Variants in AREL1 observed in about 807,000 individuals in gnomAD.
AREL1 encodes the protein apoptosis-resistant E3 ubiquitin protein ligase 1.
A neutral mutation model predicts 99.0 loss-of-function variants in AREL1; 62 were observed. The ratio of observed to expected loss-of-function variants is 0.63; its 90% CI spans 0.51 to 0.77. AREL1 has a LOEUF of 0.77. AREL1 is among the 30% of genes least tolerant of loss of function. The pLI is 0.00. For synonymous variants in AREL1, 380 were observed against 376.5 expected (o/e 1.01, Z -0.11); for missense variants, 879 against 1,027.6 (o/e 0.86, Z 1.98).
At chr14:74,684,748 G>A (rs1038646457) in intron 3 of AREL1, 68 bp from the exon 4 acceptor site, 129 of 1,428,948 alleles carry the variant, frequency 9.0e-5, no homozygotes, top group Admixed American at 4.4e-4. Flanking sequence ...TATGCAACAG[G>A]CCAGCCATTT....
At chr14:74,678,274 AT>A in intron 5 of AREL1, 1 of 450,534 alleles carries the variant, frequency 2.2e-6, no homozygotes, top group South Asian at 1.6e-5. Context: ...AAGCAGGAAG[AT>A]TACTTGAGTC....
chr14:74,682,492 G>T (rs953591439), intron 5 of AREL1, among the ~76,000 whole-genome samples: 4 of 152,146 alleles, frequency 2.6e-5, no homozygotes, highest in Non-Finnish European at 5.9e-5. Context: ...ACTGATGAAA[G>T]GATAAATAAA....
At chr14:74,674,330 T>C (rs190011424) in intron 8 of AREL1, among the ~76,000 whole-genome samples, 23 of 152,350 alleles carry the variant, frequency 1.5e-4, no homozygotes, top group African/African-American at 5.1e-4. Context: ...CAAGTGTGGA[T>C]GGCTCACATC....
Position 74,662,599 on chromosome 14 carries a change from A to G in AREL1, c.*1121T>C. 2.5e-6 allele frequency: 1 copy of G among 398,468 alleles called. No individual in the cohort carries two copies. The highest frequency in any genetic ancestry group is 4.4e-6 in the Non-Finnish European group (1 of 226,050). 24.7% of individuals were successfully genotyped at this position (398,468 alleles called of 1,614,324 possible). A position where few individuals can be genotyped will look rare whatever the true frequency, so the allele number is the denominator to read the frequency against. ...TCCTTCCTGATAACTGATGGAGCAA[A>G]GGGGAGTACAGGGGTTGGCAGGTGT... is the stretch of plus-strand genomic sequence containing the variant. On this transcript the variant is annotated 3_prime_UTR_variant, in exon 20 of 20. Transcript: ENST00000356357.
At chr14:74,711,483 C>T (rs1224756754) in intron 1 of AREL1, among the ~76,000 whole-genome samples, 1 of 151,980 alleles carries the variant, frequency 6.6e-6, no homozygotes, top group East Asian at 1.9e-4. Context: ...GGGGAGGTTG[C>T]TGTGAGCCGA....
intron 5 of AREL1, 106 bp downstream of exon 5, chr14:74,683,190 T>C (rs1257888300): frequency 2.6e-6 from 2 of 777,186 alleles, no homozygotes; most frequent in Non-Finnish European, 4.1e-6. Context: ...TTTTATGGCA[T>C]GGGAATTAAA....
intron 5 of AREL1, chr14:74,678,040 T>G (rs2089532852): frequency 5.4e-6 from 2 of 372,070 alleles, no homozygotes; most frequent in South Asian, 4.2e-5. Context: ...ATATATAGGT[T>G]TAACACAATT....
At chr14:74,701,108 G>A (rs1431239715) in intron 1 of AREL1, among the ~76,000 whole-genome samples, 4 of 152,130 alleles carry the variant, frequency 2.6e-5, no homozygotes, top group African/African-American at 7.2e-5. Flanking sequence ...TGGATGGGTT[G>A]CTCTCCTGCT....
intron 3 of AREL1, among the ~76,000 whole-genome samples, 184 bp downstream of exon 3, chr14:74,685,416 G>C (rs1023676335): frequency 6.6e-6 from 1 of 152,128 alleles, no homozygotes; most frequent in Non-Finnish European, 1.5e-5. Flanking sequence ...GTCTGGCATT[G>C]ACTATAATTG....
chr14:74,690,319 A>G (rs1305437396), intron 2 of AREL1, among the ~76,000 whole-genome samples: 1 of 151,812 alleles, frequency 6.6e-6, no homozygotes, highest in African/African-American at 2.4e-5. Flanking sequence ...GCATATAGTA[A>G]CTTCAATAAA....
At chr14:74,704,205 C>A (rs1216395006) in intron 1 of AREL1, among the ~76,000 whole-genome samples, 2 of 151,980 alleles carry the variant, frequency 1.3e-5, no homozygotes, top group African/African-American at 4.8e-5. Flanking sequence ...TGTAAGAGTT[C>A]TTTATACATT....
rs1357202898 is a variant in AREL1 at position 74,662,245 on chromosome 14, C to G, written c.*1475G>C. Reference sequence around the variant, plus strand: ...CAGGAGGGCTTGTTCCTCATGATCCCTGCGAACAGGAGGGCTCAGACATGC... The same window carrying G: ...CAGGAGGGCTTGTTCCTCATGATCCGTGCGAACAGGAGGGCTCAGACATGC... On this transcript the variant is annotated 3_prime_UTR_variant, in exon 20 of 20. Transcript: ENST00000356357. The G allele has an allele frequency of 2.2e-5, 5 of 230,552 alleles. No homozygotes were observed. The East Asian group carries it at 4.1e-4, about 19-fold the overall frequency. The allele number at this position is 230,552 out of a possible 1,614,324, so 14.3% of individuals were successfully genotyped here.
intron 1 of AREL1, among the ~76,000 whole-genome samples, chr14:74,698,002 T>C (rs1461256214): frequency 6.6e-6 from 1 of 152,056 alleles, no homozygotes; most frequent in East Asian, 1.9e-4. Flanking sequence ...GAAAAAAAAA[T>C]TTCATGTTAA....
intron 18 of AREL1, among the ~76,000 whole-genome samples, chr14:74,664,629 T>G (rs2089169983): frequency 6.8e-6 from 1 of 147,802 alleles, no homozygotes; most frequent in Non-Finnish European, 1.5e-5. Flanking sequence ...TTTTTTTTTT[T>G]TTTGTATTGT....
intron 5 of AREL1, 54 bp from the exon 6 acceptor site, chr14:74,676,806 A>T (rs1033692750): frequency 4.4e-6 from 6 of 1,354,306 alleles, no homozygotes; most frequent in South Asian, 1.8e-5. Flanking sequence ...TTTTATTTTT[A>T]TTTTTTTTGA....
At position 74,679,629 on chromosome 14, in the gene AREL1, C is replaced by A. The variant is rs943836677; in HGVS notation, c.482-2877G>T. ...ATCACCCGAGGTCAGGAGTTTGAGA[C>A]CAGCCTGTCTAACAGGGCAAAACCC... On this transcript the variant is annotated intron_variant, in intron 5 of 19. Coordinates refer to ENST00000356357, the MANE Select transcript of AREL1 (RefSeq NM_001039479.2). Among the ~76,000 whole-genome samples the A allele has an allele frequency of 2.0e-5, 3 of 151,968 alleles. No individual in the cohort carries two copies. The East Asian group carries it at 5.8e-4, about 30-fold the overall frequency.
intron 15 of AREL1, among the ~76,000 whole-genome samples, chr14:74,667,822 C>T (rs1202677409): frequency 3.9e-5 from 6 of 152,162 alleles, no homozygotes; most frequent in Admixed American, 3.9e-4. Flanking sequence ...GAAATGGGTG[C>T]CTGGGTAAGG....
In AREL1 at chr14:74,684,614, C is replaced by T. The variant is rs1301781208; in HGVS notation, c.83G>A (p.Arg28His). ...TIKFLFELAA[R>H]VVSFLQNEDR... Reference sequence around the variant, plus strand: ...CTCATTCTGGAGGAAGCTGACTACACGTGCGGCAAGCTCAAAGAGGAACTT... The same window carrying T: ...CTCATTCTGGAGGAAGCTGACTACATGTGCGGCAAGCTCAAAGAGGAACTT... Residue 28 changes from arginine to histidine, a missense_variant, in exon 4 of 20, where the codon CGT (arginine) becomes CAT (histidine). By Grantham distance (29) the Arg-to-His change is conservative. Transcript: ENST00000356357. The T allele has an allele frequency of 3.1e-6, 5 of 1,614,036 alleles. No homozygotes were observed. The highest frequency in any genetic ancestry group is 2.2e-5 in the East Asian group (1 of 44,892).
chr14:74,673,354 C>T, intron 9 of AREL1, 136 bp from the exon 10 acceptor site: 1 of 830,086 alleles, frequency 1.2e-6, no homozygotes, highest in South Asian at 2.1e-5. Context: ...ACCAGAAATA[C>T]ATTTCATTAT....
Sources: allele counts gnomAD v4.1 joint callset (sites outside exome capture counted in the v4.1 genomes callset), GRCh38; gene constraint gnomAD v4.1.1; transcripts MANE v1.5; gene names NCBI Gene and HGNC (gene_info 2026-07-23, HGNC 2026-07-21).